MRPL34: variants seen among roughly 807,000 people sequenced by gnomAD.
The protein encoded by MRPL34 is mitochondrial ribosomal protein L34.
A neutral mutation model predicts 6.7 loss-of-function variants in MRPL34; 8 were observed. The ratio of observed to expected loss-of-function variants is 1.20; its 90% confidence interval spans 0.70 to 2.16. MRPL34 has a LOEUF of 2.16. MRPL34 is among the 30% of genes most tolerant of loss of function. The probability of loss-of-function intolerance (pLI) is 0.00; values close to 1 mark genes in which losing one functional copy is unlikely to be tolerated. For synonymous variants in MRPL34, 59 were observed against 55.1 expected (o/e 1.07, Z -0.31); for missense variants, 146 against 125.5 (o/e 1.16, Z -0.78).
At chr19:17,298,735 CTTTTTTT>C (rs34731394), upstream of MRPL34, among the ~76,000 whole-genome samples, 1 of 70,422 alleles carries the variant, frequency 1.4e-5, no homozygotes, top group Admixed American at 2.1e-4. Flanking sequence ...AACAACACTG[CTTTTTTT>C]TTTTTTTTTT....
chr19:17,294,498 G>C, intron 1 of MRPL34: 1 of 1,613,830 alleles, frequency 6.2e-7, no homozygotes, highest in Admixed American at 1.7e-5. Context: ...GGCGGGCGAA[G>C]CCGGCCCTGG....
chr19:17,297,535 C>G (rs766510141), intron 1 of MRPL34, among the ~76,000 whole-genome samples: 2 of 152,078 alleles, frequency 1.3e-5, no homozygotes, highest in Non-Finnish European at 2.9e-5. Context: ...ACCTTGTGAT[C>G]CGCCTGCCTC....
intron 1 of MRPL34, chr19:17,294,776 G>A (rs776416280): frequency 4.3e-6 from 7 of 1,614,216 alleles, no homozygotes; most frequent in South Asian, 1.1e-5. Flanking sequence ...TAGGGCCCCC[G>A]CCATTGATCA....
At chr19:17,294,765 G>A (rs1257742043) in intron 1 of MRPL34, 17 of 1,614,036 alleles carry the variant, frequency 1.1e-5, no homozygotes, top group Admixed American at 1.7e-5. Flanking sequence ...CTCCAGCGCC[G>A]TAGGGCCCCC....
At chr19:17,299,681 G>A (rs1160463753), upstream of MRPL34, among the ~76,000 whole-genome samples, 1 of 151,756 alleles carries the variant, frequency 6.6e-6, no homozygotes, top group Non-Finnish European at 1.5e-5. Context: ...AACATCTTGG[G>A]CAACATAGTG....
chr19:17,292,673 T>C (rs763458545), exon 1 of MRPL34: 1 of 1,611,044 alleles, frequency 6.2e-7, no homozygotes, highest in South Asian at 1.1e-5. Context: ...ACTTCTTGTC[T>C]TCTGGAGGCG....
chr19:17,301,448 G>C (rs1196556447), upstream of MRPL34: 7 of 1,611,924 alleles, frequency 4.3e-6, no homozygotes, highest in Non-Finnish European at 8.5e-7. Context: ...GGTGGAGGTG[G>C]GGCAGCGGCT....
At position 17,292,702 on chromosome 19, in the gene MRPL34, G is replaced by A. The variant is rs752613652; in HGVS notation, c.62G>A (p.Arg21Lys). The change falls in exon 1 of 3, where the codon AGA (arginine) becomes AAA (lysine). Residue 21 changes from arginine to lysine, a missense_variant. Physicochemically the swap from Arg to Lys is conservative, Grantham distance 26. Transcript: ENST00000595444. ...GGAGGCGCCGGCAGTGGCTCCGGTA[G>A]AGCCTTGGGCGAGGGCTCGGGCTCC... is the stretch of plus-strand genomic sequence containing the variant. 21 of 1,612,946 alleles carry A rather than the reference G, an allele frequency of 1.3e-5. 1 individual carries two copies. The South Asian group carries it at 2.3e-4, about 18-fold the overall frequency.
At chr19:17,301,184 C>A (rs1427781814), upstream of MRPL34, 1 of 1,605,372 alleles carries the variant, frequency 6.2e-7, no homozygotes, top group South Asian at 1.1e-5. Context: ...CGCCGCCCAC[C>A]ACTGCCACTG....
upstream of MRPL34, among the ~76,000 whole-genome samples, chr19:17,299,757 A>ATT: frequency 6.6e-6 from 1 of 151,922 alleles, no homozygotes; most frequent in Middle Eastern, 3.4e-3. Flanking sequence ...GAAAAATGGG[A>ATT]TTTTTTTCAA....
At position 17,292,652 on chromosome 19, in the gene MRPL34, G is replaced by T. The variant is rs570131512; in HGVS notation, c.12G>T (p.Arg4=). Residue 4 remains arginine (R), a synonymous_variant, in exon 1 of 3, where the codon CGG becomes CGT. Coordinates refer to the MRPL34 transcript ENST00000595444. ...GTGCTCACCAAGCGATGCCCCGCCG[G>T]CCCAGCGGCTACTTCTTGTCTTCTG... 3 of 1,603,978 alleles carry T rather than the reference G, an allele frequency of 1.9e-6. No individual in the cohort carries two copies. In the East Asian group the frequency reaches 6.7e-5, roughly 36 times the overall value.
intron 1 of MRPL34, chr19:17,294,817 C>T: frequency 1.2e-6 from 2 of 1,614,146 alleles, no homozygotes; most frequent in Non-Finnish European, 1.7e-6. Context: ...TCTGGGTACT[C>T]ATGTGCCAGG....
intron 1 of MRPL34, among the ~76,000 whole-genome samples, chr19:17,297,557 G>A (rs751006886): frequency 7.2e-5 from 11 of 151,890 alleles, no homozygotes; most frequent in Non-Finnish European, 1.6e-4. Flanking sequence ...GCCTCCAAAA[G>A]TTCTGGGATT....
intron 1 of MRPL34, chr19:17,294,548 G>A: frequency 2.5e-6 from 4 of 1,611,876 alleles, no homozygotes; most frequent in Non-Finnish European, 2.5e-6. Context: ...ATGCCAGCCC[G>A]ACTGCCGTGG....
upstream of MRPL34, chr19:17,300,789 A>G: frequency 6.6e-7 from 1 of 1,507,190 alleles, no homozygotes; most frequent in East Asian, 2.3e-5. Context: ...AAAACTCAGT[A>G]TTTTGTGACT....
chr19:17,301,246 G>A (rs756799431), upstream of MRPL34: 47 of 1,595,890 alleles, frequency 2.9e-5, no homozygotes, highest in East Asian at 2.0e-4. Context: ...GCTGCCCGCC[G>A]GATCTGCCAG....
chr19:17,301,565 G>A (rs2074119114), upstream of MRPL34: 2 of 1,598,822 alleles, frequency 1.3e-6, no homozygotes, highest in Non-Finnish European at 1.7e-6. Flanking sequence ...ACGGCGTTGG[G>A]GGGCGTGCCC....
upstream of MRPL34, among the ~76,000 whole-genome samples, chr19:17,305,282 A>C (rs1310919301): frequency 7.0e-6 from 1 of 143,494 alleles, no homozygotes; most frequent in African/African-American, 2.6e-5. Flanking sequence ...ACAGAGGAGA[A>C]TTCTTCTAGG....
chr19:17,301,637 AC>A, upstream of MRPL34: 1 of 1,521,280 alleles, frequency 6.6e-7, no homozygotes, highest in Middle Eastern at 1.9e-4. Flanking sequence ...GTGAGTGAGG[AC>A]AGCAGCCAGT....
Sources: gnomAD v4.1 joint callset for allele counts (sites outside exome capture counted in the v4.1 genomes callset) on GRCh38, gnomAD v4.1.1 for gene constraint, MANE v1.5 for transcripts, NCBI Gene and HGNC (gene_info 2026-07-23, HGNC 2026-07-21) for gene names.